RBPJ: variants seen among roughly 807,000 people sequenced by gnomAD.
RBPJ encodes the protein recombination signal binding protein for immunoglobulin kappa J region.
In RBPJ, 9 loss-of-function variants were observed where a neutral mutation model predicts 67.8. The observed-to-expected ratio is 0.13, with a 90% CI of 0.08 to 0.23. RBPJ has a LOEUF of 0.23. Ranked by LOEUF, RBPJ falls within the 10% of genes least tolerant of loss-of-function variation. The pLI is 1.00. For missense variants in RBPJ, 305 were observed against 595.6 expected, an observed-to-expected ratio of 0.51 and a Z score of 5.08; for synonymous variants, 198 against 203.3, an observed-to-expected ratio of 0.97 and a Z score of 0.22.
At chr4:26,106,406 G>C in the RBPJ span, among the ~76,000 whole-genome samples, 18,608 of 152,194 alleles carry the variant, frequency 0.12, 1,226 homozygotes, top group Middle Eastern at 0.19. Flanking sequence ...CAGTACCCAG[G>C]CCTCAGCCAT....
At position 26,429,970 on chromosome 4, in the gene RBPJ, G is replaced by T; in HGVS notation, c.961G>T (p.Asp321Tyr). Residue 321 changes from aspartate (D) to tyrosine (Y), a missense_variant, in exon 9 of 11, where the codon GAT becomes TAT. Asp to Tyr is a radical substitution (Grantham distance 160, BLOSUM62 -3). Coordinates refer to ENST00000355476, the MANE Select transcript of RBPJ (RefSeq NM_015874.6). ...CGCTTCCTGGACAATCATTAGCACA[G>T]ATAAGGCAGAGTATACATTTTATGA... The part of the protein sequence containing the change: ...DGASWTIIST[D>Y]KAEYTFYEGM... 2 of 1,614,034 alleles carry T rather than the reference G, an allele frequency of 1.2e-6. No homozygotes were observed. The highest frequency in any genetic ancestry group is 1.7e-6 in the Non-Finnish European group (2 of 1,179,946).
Position 26,169,771 on chromosome 4 carries a change from G to A in RBPJ, c.-167+6157G>A, listed in dbSNP as rs181763061. On this transcript the variant is annotated intron_variant, in intron 1 of 4. Transcript: ENST00000512351. Reference sequence around the variant, plus strand: ...TTTTTTGTTTACCTAAGCGAGCCTGGGCAATGGTGGGCGCCCCTCCCCCAG... The same window carrying A: ...TTTTTTGTTTACCTAAGCGAGCCTGAGCAATGGTGGGCGCCCCTCCCCCAG... Among the ~76,000 whole-genome samples the A allele has an allele frequency of 4.3e-3, 649 of 152,288 alleles. 4 individuals are homozygous for A. The highest frequency in any genetic ancestry group is 0.015 in the African/African-American group (609 of 41,562).
At chr4:26,227,848 C>T (rs1434614533) in intron 1 of RBPJ, among the ~76,000 whole-genome samples, 5 of 152,240 alleles carry the variant, frequency 3.3e-5, no homozygotes, top group African/African-American at 7.2e-5. Flanking sequence ...AGTCCTTCTC[C>T]GGTTGAGTTT....
intron 1 of RBPJ, among the ~76,000 whole-genome samples, chr4:26,255,613 T>A (rs374044281): frequency 2.7e-5 from 4 of 148,668 alleles, no homozygotes; most frequent in Non-Finnish European, 6.0e-5. Context: ...CCATCCTGGC[T>A]AACACGGTGA....
chr4:26,242,155 G>A (rs1719658449), intron 1 of RBPJ, among the ~76,000 whole-genome samples: 1 of 152,162 alleles, frequency 6.6e-6, no homozygotes, highest in South Asian at 2.1e-4. Flanking sequence ...GAGGTTCTGA[G>A]AGTGTGGTCC....
At chr4:26,318,586 C>T (rs566015483), upstream of RBPJ, among the ~76,000 whole-genome samples, 7 of 152,252 alleles carry the variant, frequency 4.6e-5, no homozygotes, top group African/African-American at 1.4e-4. Flanking sequence ...AAAATCGTGT[C>T]CTTAAACGGG....
intron 1 of RBPJ, among the ~76,000 whole-genome samples, chr4:26,232,096 A>C (rs1719310547): frequency 6.6e-6 from 1 of 151,446 alleles, no homozygotes; most frequent in Admixed American, 6.6e-5. Flanking sequence ...GGGTTTCACC[A>C]TGTTGGTTAG....
At chr4:26,336,678 T>C (rs1213821492) in intron 1 of RBPJ, among the ~76,000 whole-genome samples, 1 of 151,922 alleles carries the variant, frequency 6.6e-6, no homozygotes, top group Non-Finnish European at 1.5e-5. Flanking sequence ...AAAATTTCTT[T>C]AGAAATTTAA....
At chr4:26,241,432 G>A (rs144909079) in intron 1 of RBPJ, among the ~76,000 whole-genome samples, 195 of 152,238 alleles carry the variant, frequency 1.3e-3, no homozygotes, top group African/African-American at 4.5e-3. Flanking sequence ...ACAGTTTAAC[G>A]TGATTTATAC....
chr4:26,321,061 G>T lies in RBPJ; in HGVS notation c.20+13G>T. 5 of 1,595,512 alleles carry T rather than the reference G, an allele frequency of 3.1e-6. No homozygotes were observed. Among genetic ancestry groups the T allele is most frequent in the Non-Finnish European group, 4.3e-6 (5 of 1,164,340 alleles). ...CTGTTGTGACAGGGTAAGTCTGAGG[G>T]AATCGGAGCGCCGGGAACCGGGAAA... On this transcript the variant is annotated intron_variant, in intron 1 of 10. Transcript: ENST00000355476.
At chr4:26,144,989 C>G in the RBPJ span, among the ~76,000 whole-genome samples, 1 of 150,318 alleles carries the variant, frequency 6.7e-6, no homozygotes, top group Non-Finnish European at 1.5e-5. Context: ...ATTTCAGATT[C>G]TTTTTAGTAA....
intron 1 of RBPJ, among the ~76,000 whole-genome samples, chr4:26,214,731 G>GAA (rs1347992333): frequency 3.2e-5 from 4 of 123,612 alleles, no homozygotes; most frequent in Admixed American, 9.2e-5. Context: ...GAGAAAGAAA[G>GAA]AGGGAAGAGA....
At chr4:26,163,642 A>T (rs935923869) in intron 1 of RBPJ, 1 of 152,218 alleles carries the variant, frequency 6.6e-6, no homozygotes, top group Non-Finnish European at 1.5e-5. Context: ...TGAGTTATTT[A>T]TGTTATGTTG....
At chr4:26,184,193 A>AAG (rs1717134531) in intron 1 of RBPJ, among the ~76,000 whole-genome samples, 1 of 99,274 alleles carries the variant, frequency 1.0e-5, no homozygotes, top group Non-Finnish European at 2.0e-5. Context: ...AAAAAAAAAA[A>AAG]AAAGAAAGAA....
intron 1 of RBPJ, among the ~76,000 whole-genome samples, chr4:26,167,625 A>G (rs898037227): frequency 2.9e-5 from 4 of 138,502 alleles, no homozygotes; most frequent in African/African-American, 8.4e-5. Context: ...GGCTGAGACA[A>G]TGGGGTTTTC....
intron 1 of RBPJ, among the ~76,000 whole-genome samples, chr4:26,361,652 G>A (rs925205197): frequency 2.0e-5 from 3 of 152,066 alleles, no homozygotes; most frequent in East Asian, 1.9e-4. Flanking sequence ...GACAGTAAAT[G>A]AATATATTTA....
At chr4:26,152,485 C>T in the RBPJ span, among the ~76,000 whole-genome samples, 4 of 152,220 alleles carry the variant, frequency 2.6e-5, no homozygotes, top group Admixed American at 2.6e-4. Context: ...ATAACTGGTA[C>T]ATAGTAAAGC....
rs200205720 is a variant in RBPJ at position 26,177,645 on chromosome 4, GAAGA to G, written c.-167+14044_-167+14047del. 1.0e-2 allele frequency among the ~76,000 whole-genome samples: 1,510 copies of G among 151,438 alleles called. 24 individuals are homozygous for G. Among genetic ancestry groups the G allele is most frequent in the African/African-American group, 0.033 (1,383 of 41,300 alleles). On this transcript the variant is annotated intron_variant, in intron 1 of 4. Coordinates refer to the RBPJ transcript ENST00000512351. ...AAAAGAAAAGGAGAAAGAAAGGAAG[GAAGA>G]AAGAAAGAAAGAGAAAAAATGTGAA...
the RBPJ span, among the ~76,000 whole-genome samples, chr4:26,145,129 A>G: frequency 2.2e-4 from 33 of 151,480 alleles, no homozygotes; most frequent in Admixed American, 1.6e-3. Context: ...CAGCCTGTCA[A>G]GACCAATTGA....
Sources: gnomAD v4.1 joint callset for allele counts (sites outside exome capture counted in the v4.1 genomes callset) on GRCh38, gnomAD v4.1.1 for gene constraint, MANE v1.5 for transcripts, NCBI Gene and HGNC (gene_info 2026-07-23, HGNC 2026-07-21) for gene names.